Variants in NSMCE2 observed in about 807,000 individuals in gnomAD.
NSMCE2 encodes the protein NSE2 SUMO ligase component of SMC5/6 complex.
In NSMCE2, 24 loss-of-function variants were observed where a neutral mutation model predicts 23.8. The observed-to-expected ratio is 1.01, with a 90% confidence interval of 0.73 to 1.42. The LOEUF (loss-of-function observed/expected upper bound fraction) is 1.42. Among genes scored for constraint, NSMCE2 ranks in the 40% most tolerant of loss-of-function variants. NSMCE2 has a pLI of 0.00. For missense variants in NSMCE2, 284 were observed against 296.5 expected (o/e 0.96, Z 0.31); for synonymous variants, 92 against 94.1 (o/e 0.98, Z 0.13).
chr8:125,266,021 C>G (rs1028745066), intron 5 of NSMCE2, among the ~76,000 whole-genome samples: 4 of 151,930 alleles, frequency 2.6e-5, no homozygotes, highest in African/African-American at 9.7e-5. Flanking sequence ...GAACAAAATC[C>G]TGTGACCCGA....
intron 5 of NSMCE2, among the ~76,000 whole-genome samples, chr8:125,197,537 G>A (rs1403671421): frequency 6.6e-6 from 1 of 152,162 alleles, no homozygotes; most frequent in African/African-American, 2.4e-5. Context: ...TGAGGCCTCT[G>A]TTCTGTTCCA....
chr8:125,091,888 C>G lies in NSMCE2; in HGVS notation c.-181C>G, dbSNP rs76575464. On this transcript the variant is annotated 5_prime_UTR_variant, in exon 1 of 8. Transcript: ENST00000287437. ...ACTTTTCAGCGGCAGGCGAAGGGGG[C>G]TGAGGAAAGGAGGTGGGTCTAGGCA... 6.6e-6 allele frequency: 1 copy of G among 152,348 alleles called. No homozygotes were observed. Among genetic ancestry groups the G allele is most frequent in the Non-Finnish European group, 1.5e-5 (1 of 68,204 alleles). The allele number at this position is 152,348 out of a possible 1,614,324, so 9.4% of individuals were successfully genotyped here. A position where few individuals can be genotyped will look rare whatever the true frequency, so the allele number is the denominator to read the frequency against.
At chr8:125,290,943 C>T (rs1356702491) in intron 5 of NSMCE2, among the ~76,000 whole-genome samples, 1 of 152,196 alleles carries the variant, frequency 6.6e-6, no homozygotes, top group Non-Finnish European at 1.5e-5. Context: ...GTTTAATTCT[C>T]TAGTACCTAG....
chr8:125,221,478 A>G (rs1159853566), intron 5 of NSMCE2, among the ~76,000 whole-genome samples: 3 of 152,230 alleles, frequency 2.0e-5, no homozygotes, highest in Non-Finnish European at 2.9e-5. Context: ...TCCTGGGCTC[A>G]AGCAGTCCAC....
At chr8:125,317,316 G>A (rs185505611) in intron 5 of NSMCE2, among the ~76,000 whole-genome samples, 137 of 151,614 alleles carry the variant, frequency 9.0e-4, no homozygotes, top group Non-Finnish European at 2.9e-5. Flanking sequence ...TCTCTCCCCA[G>A]CCTCCGAATA....
rs1209061924 is a variant in NSMCE2, at chr8:125,250,372, G to A, written c.418+68116G>A. ...CCTTTCATCCACCCAGATTTTTCTA[G>A]CCCTCTTACTTTAATTAATCCAAAA... On this transcript the variant is annotated intron_variant, in intron 5 of 7. Coordinates refer to ENST00000287437, the MANE Select transcript of NSMCE2 (RefSeq NM_173685.4). Among the ~76,000 whole-genome samples, 3 of 151,970 alleles carry A rather than the reference G, an allele frequency of 2.0e-5. No homozygotes were observed. The South Asian group carries it at 6.2e-4, about 32-fold the overall frequency.
chr8:125,340,002 GT>G (rs202059678), intron 5 of NSMCE2, among the ~76,000 whole-genome samples: 3 of 103,662 alleles, frequency 2.9e-5, no homozygotes, highest in Admixed American at 2.3e-4. Context: ...CGACGTTGTA[GT>G]TTTTTTTTGT....
intron 5 of NSMCE2, among the ~76,000 whole-genome samples, chr8:125,307,207 A>T (rs1554635556): frequency 6.6e-6 from 1 of 151,734 alleles, no homozygotes; most frequent in Non-Finnish European, 1.5e-5. Context: ...AGACAAGGAA[A>T]TTTTTTTTTC....
chr8:125,251,468 A>G (rs1009843562), intron 5 of NSMCE2, among the ~76,000 whole-genome samples: 1 of 152,246 alleles, frequency 6.6e-6, no homozygotes, highest in Non-Finnish European at 1.5e-5. Flanking sequence ...TAGAAGAGGA[A>G]ACTTAGAGTT....
chr8:125,264,653 G>C (rs10093274), intron 5 of NSMCE2, among the ~76,000 whole-genome samples: 69,359 of 151,928 alleles, frequency 0.46, 19,048 homozygotes, highest in Non-Finnish European at 0.6. Flanking sequence ...AGGTGATCAG[G>C]GTGGGCTGTT....
chr8:125,345,262 T>C (rs1830393579), intron 5 of NSMCE2, among the ~76,000 whole-genome samples: 1 of 152,348 alleles, frequency 6.6e-6, no homozygotes, highest in South Asian at 2.1e-4. Context: ...TTTGCTTTTG[T>C]ACAGAAGTGG....
At chr8:125,248,752 A>G (rs918345416) in intron 5 of NSMCE2, among the ~76,000 whole-genome samples, 4 of 152,248 alleles carry the variant, frequency 2.6e-5, no homozygotes, top group East Asian at 3.8e-4. Flanking sequence ...AGTGTATTCT[A>G]TGTATTACCT....
intron 5 of NSMCE2, among the ~76,000 whole-genome samples, chr8:125,224,372 A>G (rs771562876): frequency 2.6e-5 from 4 of 152,140 alleles, no homozygotes; most frequent in Non-Finnish European, 4.4e-5. Flanking sequence ...TTAGGAAATT[A>G]TTGCTCAGCC....
chr8:125,195,849 G>T (rs1412537726), intron 5 of NSMCE2, among the ~76,000 whole-genome samples: 1 of 121,668 alleles, frequency 8.2e-6, no homozygotes, highest in Non-Finnish European at 1.8e-5. Flanking sequence ...TAAAGTTTAT[G>T]TTAGTCATTA....
chr8:125,256,173 C>T (rs1826399778), intron 5 of NSMCE2, among the ~76,000 whole-genome samples: 1 of 151,764 alleles, frequency 6.6e-6, no homozygotes. Context: ...GTCCCAGCTA[C>T]TCAGGAGGCT....
chr8:125,173,340 G>A (rs1822316792), intron 4 of NSMCE2, among the ~76,000 whole-genome samples: 1 of 152,218 alleles, frequency 6.6e-6, no homozygotes, highest in Admixed American at 6.5e-5. Flanking sequence ...AGGAGAAGAT[G>A]TGTAACTAAT....
At chr8:125,183,268 G>T (rs925369424) in intron 5 of NSMCE2, among the ~76,000 whole-genome samples, 14 of 152,160 alleles carry the variant, frequency 9.2e-5, no homozygotes, top group African/African-American at 2.7e-4. Flanking sequence ...AAAAATGACT[G>T]AGGAAGCTGC....
chr8:125,221,732 GA>G (rs1824868495), intron 5 of NSMCE2, among the ~76,000 whole-genome samples: 1 of 152,224 alleles, frequency 6.6e-6, no homozygotes, highest in Non-Finnish European at 1.5e-5. Flanking sequence ...CACATAGCCT[GA>G]AGGTAATTTT....
intron 5 of NSMCE2, among the ~76,000 whole-genome samples, chr8:125,276,035 G>A (rs553194186): frequency 1.1e-4 from 17 of 152,184 alleles, no homozygotes; most frequent in Admixed American, 9.2e-4. Flanking sequence ...TCTGCCCCCC[G>A]CACTGGGTCT....
Sources: allele counts gnomAD v4.1 joint callset (sites outside exome capture counted in the v4.1 genomes callset), GRCh38; gene constraint gnomAD v4.1.1; transcripts MANE v1.5; gene names NCBI Gene and HGNC (gene_info 2026-07-23, HGNC 2026-07-21).